Variants in IFT52 observed in about 807,000 individuals in gnomAD.
IFT52 encodes the protein intraflagellar transport protein 52 homolog.
A neutral mutation model predicts 54.4 loss-of-function variants in IFT52; 44 were observed. The ratio of observed to expected loss-of-function variants is 0.81; its 90% CI spans 0.63 to 1.04. IFT52 has a LOEUF of 1.04. IFT52 is among the 50% of genes least tolerant of loss of function. IFT52 has a pLI of 0.00. For missense variants in IFT52, 452 were observed against 523.6 expected (o/e 0.86, Z 1.33); for synonymous variants, 181 against 185.3 (o/e 0.98, Z 0.19).
Position 43,594,832 on chromosome 20 carries a change from A to G in IFT52, c.119+15A>G, listed in dbSNP as rs746395983. ...AAGATTCAGAGGTGACTGACCATGT[A>G]TATTGTTTTCCCTTCTAAATGATAT... On this transcript the variant is annotated intron_variant, in intron 2 of 13. Coordinates refer to ENST00000373030, the MANE Select transcript of IFT52 (RefSeq NM_016004.5). The G allele has an allele frequency of 3.1e-6, 4 of 1,281,312 alleles. No homozygotes were observed. In the South Asian group the frequency reaches 4.8e-5, roughly 15 times the overall value. The allele number at this position is 1,281,312 out of a possible 1,614,324, so 79.4% of individuals were successfully genotyped here.
chr20:43,639,683 T>G (rs1985784702), intron 12 of IFT52, among the ~76,000 whole-genome samples: 1 of 151,248 alleles, frequency 6.6e-6, no homozygotes, highest in South Asian at 2.1e-4. Flanking sequence ...AAAAAAAATT[T>G]TTTTAAGTAG....
Position 43,636,002 on chromosome 20 carries a change from C to G in IFT52, c.1000C>G (p.Leu334Val). The G allele has an allele frequency of 6.2e-7, 1 of 1,614,180 alleles. No homozygotes were observed. The highest frequency in any genetic ancestry group is 8.5e-7 in the Non-Finnish European group (1 of 1,180,008). Reference protein sequence around the residue: ...QPQFETPLPTLQPAVFPPSFR... With the variant: ...QPQFETPLPTVQPAVFPPSFR... ...TCAGTTTGAGACGCCGCTGCCAACC[C>G]TTCAGCCTGCGGTGAGTAGGTGTGC... Residue 334 changes from leucine to valine, a missense_variant, in exon 11 of 14, where the codon CTT becomes GTT. Leu to Val is a conservative substitution (Grantham distance 32). Coordinates refer to ENST00000373030, the MANE Select transcript of IFT52 (RefSeq NM_016004.5).
intron 8 of IFT52, 97 bp from the exon 9 acceptor site, chr20:43,620,760 T>C (rs1467316758): frequency 1.2e-6 from 1 of 862,244 alleles, no homozygotes; most frequent in Non-Finnish European, 1.8e-6. Context: ...TAATCTTTCT[T>C]CCTTTATCAT....
At chr20:43,636,114 C>T in intron 11 of IFT52, 101 bp downstream of exon 11, 2 of 1,096,786 alleles carry the variant, frequency 1.8e-6, no homozygotes, top group South Asian at 2.6e-5. Context: ...CCATTTGTGG[C>T]ACTCCTTGTG....
chr20:43,609,962 AAAATT>A (rs60705552), intron 6 of IFT52, among the ~76,000 whole-genome samples: 6 of 150,428 alleles, frequency 4.0e-5, no homozygotes, highest in South Asian at 2.1e-4. Context: ...AAAATAAAAT[AAAATT>A]AAATTAAATT....
intron 7 of IFT52, among the ~76,000 whole-genome samples, chr20:43,618,637 A>G (rs977204643): frequency 7.8e-6 from 1 of 127,896 alleles, no homozygotes; most frequent in Non-Finnish European, 1.7e-5. Context: ...GCATGCCACC[A>G]CACCTGGCTG....
chr20:43,617,059 A>T (rs548740361), intron 7 of IFT52, among the ~76,000 whole-genome samples: 72 of 152,164 alleles, frequency 4.7e-4, no homozygotes, highest in Non-Finnish European at 9.4e-4. Context: ...TAACCGAATG[A>T]TGTGTTGGAA....
chr20:43,618,117 G>T (rs1360067905), intron 7 of IFT52: 1 of 151,404 alleles, frequency 6.6e-6, no homozygotes, highest in Non-Finnish European at 1.5e-5. Flanking sequence ...ATCTTTAATT[G>T]TACAGACTGT....
At chr20:43,616,568 A>G (rs1180668273) in intron 7 of IFT52, among the ~76,000 whole-genome samples, 1 of 151,960 alleles carries the variant, frequency 6.6e-6, no homozygotes, top group Non-Finnish European at 1.5e-5. Context: ...GAAAAAATGA[A>G]CAATACAGAG....
rs372543072 is a variant in IFT52, at chr20:43,596,369, C to A, written c.120-66C>A. On this transcript the variant is annotated intron_variant, in intron 2 of 13. Coordinates refer to ENST00000373030, the MANE Select transcript of IFT52 (RefSeq NM_016004.5). The stretch of plus-strand genomic sequence containing the variant: ...CCTCTGCTTCCAAATAGTTAAGAGA[C>A]TAAAATAATACATAAATTGGTTTAA... The A allele has an allele frequency of 4.3e-4, 456 of 1,059,088 alleles. 7 individuals are homozygous for A. The South Asian group carries it at 6.1e-3, about 14-fold the overall frequency. The allele number at this position is 1,059,088 out of a possible 1,614,324, so 65.6% of individuals were successfully genotyped here.
In IFT52 at chr20:43,642,590, T is replaced by C; in HGVS notation, c.1232T>C (p.Phe411Ser). The change falls in exon 13 of 14, where the codon TTC becomes TCC. Residue 411 changes from phenylalanine (F) to serine (S), a missense_variant. Physicochemically the swap from Phe to Ser is radical, Grantham distance 155. Coordinates refer to ENST00000373030, the MANE Select transcript of IFT52 (RefSeq NM_016004.5). ...GCCAAACATATCCTTGAGCACGTCT[T>C]CTTCCAAGTGGTGGAGTTCAAGAAA... ...QDAKHILEHV[F>S]FQVVEFKKLN... The C allele has an allele frequency of 6.2e-7, 1 of 1,614,170 alleles. No individual in the cohort carries two copies. Among genetic ancestry groups the C allele is most frequent in the Non-Finnish European group, 8.5e-7 (1 of 1,180,024 alleles).
At chr20:43,600,702 A>G (rs1227256261) in intron 3 of IFT52, among the ~76,000 whole-genome samples, 1 of 152,158 alleles carries the variant, frequency 6.6e-6, no homozygotes, top group Non-Finnish European at 1.5e-5. Context: ...TGGGCGCAGT[A>G]GCTTACTCCT....
At chr20:43,622,320 C>T (rs902080705) in intron 9 of IFT52, among the ~76,000 whole-genome samples, 4 of 152,048 alleles carry the variant, frequency 2.6e-5, no homozygotes, top group South Asian at 2.1e-4. Context: ...CACTCTCGGC[C>T]GGGCGCGGTG....
At chr20:43,593,277 C>T (rs1390088606) in intron 1 of IFT52, among the ~76,000 whole-genome samples, 1 of 151,856 alleles carries the variant, frequency 6.6e-6, no homozygotes, top group Non-Finnish European at 1.5e-5. Flanking sequence ...GTTTTTTGGC[C>T]CTTTATTGGC....
chr20:43,598,883 A>C (rs1982208289), intron 3 of IFT52, among the ~76,000 whole-genome samples: 1 of 152,070 alleles, frequency 6.6e-6, no homozygotes, highest in Non-Finnish European at 1.5e-5. Context: ...AGAGAGGTTG[A>C]GGCAGGGCAA....
intron 6 of IFT52, among the ~76,000 whole-genome samples, chr20:43,607,247 TGGCCGGGCGGGG>T (rs1216572218): frequency 2.0e-5 from 3 of 147,864 alleles, no homozygotes; most frequent in Non-Finnish European, 3.0e-5. Flanking sequence ...ACGGGGCGGC[TGGCCGGGCGGGG>T]GGCTGACCCC....
At chr20:43,623,673 G>A (rs1302839976) in intron 9 of IFT52, among the ~76,000 whole-genome samples, 3 of 152,220 alleles carry the variant, frequency 2.0e-5, no homozygotes, top group African/African-American at 7.2e-5. Context: ...TGTAATTGGA[G>A]ATTTGGATTT....
At chr20:43,618,871 G>A (rs1306437175) in intron 7 of IFT52, 69 bp from the exon 8 acceptor site, 1 of 956,104 alleles carries the variant, frequency 1.0e-6, no homozygotes, top group Non-Finnish European at 1.7e-6. Flanking sequence ...TCTAATAAGT[G>A]TCTGGGTACT....
chr20:43,642,621 C>T lies in IFT52; in HGVS notation c.1263C>T (p.Asn421=). The stretch of plus-strand genomic sequence containing the variant: ...AAGTGGTGGAGTTCAAGAAATTGAA[C>T]CAGGTACAGAGCCTACAAGGCACAG... ...FFQVVEFKKL[N]QEHDIDTSET... Residue 421 remains asparagine (N), a synonymous_variant, in exon 13 of 14, where the codon AAC becomes AAT. Coordinates refer to ENST00000373030, the MANE Select transcript of IFT52 (RefSeq NM_016004.5). 1.2e-6 allele frequency: 2 copies of T among 1,613,888 alleles called. No homozygotes were observed. Among genetic ancestry groups the T allele is most frequent in the Non-Finnish European group, 1.7e-6 (2 of 1,179,864 alleles).
Sources: gnomAD v4.1 joint callset for allele counts (sites outside exome capture counted in the v4.1 genomes callset) on GRCh38, gnomAD v4.1.1 for gene constraint, MANE v1.5 for transcripts, NCBI Gene and HGNC (gene_info 2026-07-23, HGNC 2026-07-21) for gene names.